The following UBE2E2 variants were observed in gnomAD, a reference collection of about 807,000 sequenced individuals.
UBE2E2 encodes ubiquitin conjugating enzyme E2 E2.
In UBE2E2, 6 loss-of-function variants were observed where a neutral mutation model predicts 24.7. The ratio of observed to expected loss-of-function variants is 0.24; its 90% confidence interval spans 0.13 to 0.48. The LOEUF is 0.48. UBE2E2 is among the 20% of genes least tolerant of loss of function. The pLI is 0.99. For missense variants in UBE2E2, 169 were observed against 245.0 expected (o/e 0.69, Z 2.07); for synonymous variants, 104 against 83.6 (o/e 1.24, Z -1.33).
intron 2 of UBE2E2, among the ~76,000 whole-genome samples, chr3:23,214,645 G>A (rs1350532134): frequency 6.6e-6 from 1 of 151,696 alleles, no homozygotes; most frequent in African/African-American, 2.4e-5. Flanking sequence ...AAATTGCAAA[G>A]AAGTTTTTTT....
At chr3:23,235,172 A>G (rs1036389911) in intron 3 of UBE2E2, among the ~76,000 whole-genome samples, 2 of 152,216 alleles carry the variant, frequency 1.3e-5, no homozygotes, top group Non-Finnish European at 1.5e-5. Context: ...ACAAAACAGA[A>G]AAATTGCCTT....
rs760033171 is a variant in UBE2E2 at position 23,532,710 on chromosome 3, C to T, written c.508+9C>T. On this transcript the variant is annotated intron_variant, in intron 5 of 5. Coordinates refer to ENST00000396703, the MANE Select transcript of UBE2E2 (RefSeq NM_152653.4). ...TACAGATTGCAACCCTGGTAAGAGA[C>T]TTTAAATCTAGTATGAATTGGAGCT... is the stretch of plus-strand genomic sequence containing the variant. 1.5e-5 allele frequency: 23 copies of T among 1,510,316 alleles called. No homozygotes were observed. The highest frequency in any genetic ancestry group is 2.1e-5 in the Non-Finnish European group (23 of 1,109,330). The allele number at this position is 1,510,316 out of a possible 1,614,324, so 93.6% of individuals were successfully genotyped here.
rs556782231 is a variant in UBE2E2 at position 23,370,057 on chromosome 3, T to C, written c.228-129551T>C. Among the ~76,000 whole-genome samples, 6 of 152,338 alleles carry C rather than the reference T, an allele frequency of 3.9e-5. No individual in the cohort carries two copies. In the East Asian group the frequency reaches 1.2e-3, roughly 29 times the overall value. ...AGGGCTGTAAACATTTCTCAAAAGCTATATCAACGCAGTCACCAGAACATG... is the reference window on the plus strand; with the variant it reads ...AGGGCTGTAAACATTTCTCAAAAGCCATATCAACGCAGTCACCAGAACATG... On this transcript the variant is annotated intron_variant, in intron 3 of 5. Transcript: ENST00000396703.
chr3:23,207,060 A>G (rs978239248), intron 1 of UBE2E2, among the ~76,000 whole-genome samples: 1 of 152,194 alleles, frequency 6.6e-6, no homozygotes, highest in African/African-American at 2.4e-5. Context: ...GTCTGAGAAG[A>G]TAGCTATACA....
chr3:23,328,894 T>A (rs1438123304), intron 3 of UBE2E2, among the ~76,000 whole-genome samples: 8 of 152,142 alleles, frequency 5.3e-5, no homozygotes, highest in Admixed American at 2.6e-4. Context: ...ACGCCTGACC[T>A]CAAATGATCC....
At chr3:23,457,322 T>C (rs1698700918) in intron 3 of UBE2E2, among the ~76,000 whole-genome samples, 1 of 152,210 alleles carries the variant, frequency 6.6e-6, no homozygotes, top group South Asian at 2.1e-4. Flanking sequence ...TGGAAGTTTT[T>C]TTGAAATAAC....
chr3:23,568,794 C>G (rs1696152778), intron 5 of UBE2E2, among the ~76,000 whole-genome samples: 1 of 149,634 alleles, frequency 6.7e-6, no homozygotes, highest in Non-Finnish European at 1.5e-5. Flanking sequence ...TGGGTATAGA[C>G]TAATGCAGAA....
chr3:23,290,323 C>T (rs1698730212), intron 3 of UBE2E2, among the ~76,000 whole-genome samples: 1 of 152,178 alleles, frequency 6.6e-6, no homozygotes. Context: ...CTTGCCCTCT[C>T]TGCTAGTCTA....
At chr3:23,475,731 A>G (rs1463511592) in intron 3 of UBE2E2, among the ~76,000 whole-genome samples, 2 of 151,992 alleles carry the variant, frequency 1.3e-5, no homozygotes, top group Non-Finnish European at 1.5e-5. Flanking sequence ...GCACACCACT[A>G]CTGCCCAGAC....
intron 5 of UBE2E2, among the ~76,000 whole-genome samples, chr3:23,561,501 A>G (rs575424041): frequency 3.9e-5 from 6 of 152,232 alleles, no homozygotes; most frequent in East Asian, 3.9e-4. Context: ...GAAGTCAGGT[A>G]GTGTGATGCC....
At chr3:23,461,419 G>A (rs1469775160) in intron 3 of UBE2E2, among the ~76,000 whole-genome samples, 1 of 151,846 alleles carries the variant, frequency 6.6e-6, no homozygotes, top group African/African-American at 2.4e-5. Context: ...CTGTTCAGCA[G>A]TGTGGTAGAG....
rs374822717 is a variant in UBE2E2, at chr3:23,490,952, A to G, written c.228-8656A>G. Among the ~76,000 whole-genome samples, 7 of 152,262 alleles carry G rather than the reference A, an allele frequency of 4.6e-5. No individual in the cohort carries two copies. The South Asian group carries it at 1.4e-3, about 32-fold the overall frequency. On this transcript the variant is annotated intron_variant, in intron 3 of 5. Transcript: ENST00000396703. ...TATCATTCCCATTTATTAAGCATTC[A>G]CTGACAAAAAAGTACAAAATAATTA...
intron 3 of UBE2E2, among the ~76,000 whole-genome samples, chr3:23,247,026 G>A (rs1325786241): frequency 3.3e-5 from 5 of 151,730 alleles, no homozygotes; most frequent in Non-Finnish European, 7.4e-5. Context: ...ATTTAAAAAC[G>A]TTTTTTATTG....
intron 4 of UBE2E2, among the ~76,000 whole-genome samples, chr3:23,528,779 T>G (rs904954655): frequency 1.3e-5 from 2 of 152,180 alleles, no homozygotes; most frequent in Non-Finnish European, 2.9e-5. Context: ...ACTGGGGTCT[T>G]AAGGGGGATT....
At chr3:23,430,751 C>T (rs1698041956) in intron 3 of UBE2E2, among the ~76,000 whole-genome samples, 1 of 152,006 alleles carries the variant, frequency 6.6e-6, no homozygotes. Context: ...GAACTCCTTG[C>T]CTCAAGGAAT....
chr3:23,347,586 G>A (rs906264851), intron 3 of UBE2E2, among the ~76,000 whole-genome samples: 3 of 152,114 alleles, frequency 2.0e-5, no homozygotes, highest in Non-Finnish European at 2.9e-5. Flanking sequence ...ATAGCATTAG[G>A]AGAAATACCT....
At chr3:23,438,776 G>T (rs1698236068) in intron 3 of UBE2E2, among the ~76,000 whole-genome samples, 1 of 152,114 alleles carries the variant, frequency 6.6e-6, no homozygotes, top group African/African-American at 2.4e-5. Flanking sequence ...ACTTAACATA[G>T]TTCATAAATT....
chr3:23,456,506 G>A (rs1009919726), intron 3 of UBE2E2, among the ~76,000 whole-genome samples: 2 of 152,218 alleles, frequency 1.3e-5, no homozygotes, highest in South Asian at 4.1e-4. Context: ...TTGGTTTATG[G>A]GCTACAGAAT....
chr3:23,396,459 C>CATACAT (rs1205255780), intron 3 of UBE2E2, among the ~76,000 whole-genome samples: 2 of 151,474 alleles, frequency 1.3e-5, no homozygotes, highest in African/African-American at 2.4e-5. Context: ...TATACACATA[C>CATACAT]ATACATATAC....
Sources: allele counts gnomAD v4.1 joint callset (sites outside exome capture counted in the v4.1 genomes callset), GRCh38; gene constraint gnomAD v4.1.1; transcripts MANE v1.5; gene names NCBI Gene and HGNC (gene_info 2026-07-23, HGNC 2026-07-21).